Variants in RBM5 observed in about 807,000 individuals in gnomAD.
RBM5 encodes the protein RNA binding motif protein 5.
RBM5 carries 15 observed loss-of-function variants against 124.6 expected under a neutral mutation model. The ratio of observed to expected loss-of-function variants is 0.12; its 90% CI spans 0.08 to 0.19. The LOEUF is 0.19. RBM5 is among the 10% of genes least tolerant of loss of function. RBM5 has a pLI of 1.00. For synonymous variants in RBM5, 337 were observed against 361.2 expected (o/e 0.93, Z 0.76); for missense variants, 580 against 1,026.5 (o/e 0.57, Z 5.94).
chr3:50,114,741 G>A (rs2091211614), intron 20 of RBM5: 1 of 155,826 alleles, frequency 6.4e-6, no homozygotes, highest in African/African-American at 2.4e-5. Flanking sequence ...TAGCTACTTG[G>A]GATGCTAAGG....
At position 50,115,903 on chromosome 3, in the gene RBM5, T is replaced by C. The variant is rs1048313068; in HGVS notation, c.2020-3T>C. 15 of 1,611,046 alleles carry C rather than the reference T, an allele frequency of 9.3e-6. No individual in the cohort carries two copies. Among genetic ancestry groups the C allele is most frequent in the African/African-American group, 1.3e-5 (1 of 74,816 alleles). On this transcript the variant is annotated splice_polypyrimidine_tract_variant and splice_region_variant and intron_variant, in intron 21 of 24. Transcript: ENST00000347869. ...TACTGTGTCTTTCAAATCTTTTGTG[T>C]AGCAAAACATGGACATCTATCGACG...
chr3:50,090,255 C>T, intron 1 of RBM5, 127 bp from the exon 2 acceptor site: 1 of 616,412 alleles, frequency 1.6e-6, no homozygotes, highest in Non-Finnish European at 2.8e-6. Flanking sequence ...ACTTCCCCAC[C>T]TTAGATAATC....
chr3:50,094,990 G>T (rs2090783756), intron 4 of RBM5, among the ~76,000 whole-genome samples: 1 of 152,110 alleles, frequency 6.6e-6, no homozygotes, highest in Non-Finnish European at 1.5e-5. Context: ...TTGAGGTCAG[G>T]AATTTGAGAC....
intron 12 of RBM5, 119 bp from the exon 13 acceptor site, chr3:50,107,951 G>T: frequency 1.2e-6 from 1 of 852,792 alleles, no homozygotes; most frequent in Non-Finnish European, 1.9e-6. Flanking sequence ...CTCCCAAAGT[G>T]CTGGGATTAC....
At chr3:50,116,260 A>G (rs566726526) in intron 22 of RBM5, 498 of 400,786 alleles carry the variant, frequency 1.2e-3, no homozygotes, top group Non-Finnish European at 2.1e-3. Context: ...GGATTTTGTT[A>G]TGGAGAGAGT....
intron 20 of RBM5, 56 bp downstream of exon 20, chr3:50,114,307 T>G (rs548271312): frequency 4.6e-6 from 7 of 1,526,752 alleles, no homozygotes; most frequent in Non-Finnish European, 6.2e-6. Flanking sequence ...TGTCTCACTT[T>G]AAGGCTCAAC....
chr3:50,096,371 C>G (rs1394734769), intron 4 of RBM5, among the ~76,000 whole-genome samples: 1 of 151,694 alleles, frequency 6.6e-6, no homozygotes, highest in Non-Finnish European at 1.5e-5. Flanking sequence ...GTCTGTGGTC[C>G]CAGTTACTTG....
chr3:50,094,614 A>G (rs1413745581), intron 4 of RBM5, among the ~76,000 whole-genome samples: 1 of 152,138 alleles, frequency 6.6e-6, no homozygotes. Flanking sequence ...TTACTTCAGT[A>G]GCTGGCAGGT....
intron 14 of RBM5, among the ~76,000 whole-genome samples, chr3:50,109,123 G>C (rs2091095294): frequency 6.6e-6 from 1 of 152,086 alleles, no homozygotes; most frequent in Non-Finnish European, 1.5e-5. Context: ...GCCCAGGCTG[G>C]AGTGCGGTGG....
intron 10 of RBM5, among the ~76,000 whole-genome samples, chr3:50,106,121 T>C (rs2091024735): frequency 3.3e-5 from 1 of 30,664 alleles, no homozygotes; most frequent in Admixed American, 4.0e-4. Flanking sequence ...CCCAGCTATT[T>C]TTTTTTTTTT....
intron 4 of RBM5, among the ~76,000 whole-genome samples, chr3:50,096,701 C>A (rs1461097468): frequency 6.6e-6 from 1 of 151,620 alleles, no homozygotes; most frequent in East Asian, 2.0e-4. Flanking sequence ...GGCAATCCAC[C>A]AGCCTCAGCC....
chr3:50,089,103 C>T (rs1338773730), intron 1 of RBM5, 74 bp downstream of exon 1: 1 of 152,368 alleles, frequency 6.6e-6, no homozygotes, highest in Non-Finnish European at 1.5e-5. Flanking sequence ...CCCTTGTCAG[C>T]TGCCGGAGGC....
At chr3:50,091,859 T>C (rs1397744446) in intron 2 of RBM5, 184 bp from the exon 3 acceptor site, 1 of 665,218 alleles carries the variant, frequency 1.5e-6, no homozygotes, top group African/African-American at 1.8e-5. Flanking sequence ...ATCATTACAT[T>C]TAGGGATGTA....
intron 4 of RBM5, among the ~76,000 whole-genome samples, chr3:50,095,461 G>A (rs1413084096): frequency 4.6e-5 from 7 of 152,014 alleles, no homozygotes; most frequent in Non-Finnish European, 8.8e-5. Context: ...TAAAAAGGAC[G>A]GCTCATTCAG....
chr3:50,093,569 G>A (rs2090749050), intron 3 of RBM5, 151 bp from the exon 4 acceptor site: 2 of 762,040 alleles, frequency 2.6e-6, no homozygotes, highest in Non-Finnish European at 4.0e-6. Context: ...TGAGACCCCT[G>A]TCTCAAAAAA....
chr3:50,113,152 C>A (rs1018496647), intron 17 of RBM5: 1 of 336,004 alleles, frequency 3.0e-6, no homozygotes, highest in East Asian at 6.1e-5. Context: ...CTGCTCCCGG[C>A]TGGGAACTAA....
chr3:50,114,298 G>A (rs779274811), intron 20 of RBM5, 47 bp downstream of exon 20: 2 of 1,557,000 alleles, frequency 1.3e-6, no homozygotes, highest in South Asian at 2.4e-5. Flanking sequence ...TGTGGTTTGT[G>A]TCTCACTTTA....
At chr3:50,101,239 TA>T (rs2108998883) in intron 6 of RBM5, 1 of 152,354 alleles carries the variant, frequency 6.6e-6, no homozygotes, top group East Asian at 1.9e-4. Flanking sequence ...GAGGTAGTGT[TA>T]ACTGAAGTGT....
intron 12 of RBM5, 38 bp downstream of exon 12, chr3:50,107,607 GGTGGTGCCCAGATTCACAGACGTGAC>G (rs775526994): frequency 6.8e-7 from 1 of 1,476,848 alleles, no homozygotes. Context: ...GTAGTGTGGT[GGTGGTGCCCAGATTCACAGACGTGAC>G]CTCTCCTGTG....
Sources: allele counts gnomAD v4.1 joint callset (sites outside exome capture counted in the v4.1 genomes callset), GRCh38; gene constraint gnomAD v4.1.1; transcripts MANE v1.5; gene names NCBI Gene and HGNC (gene_info 2026-07-23, HGNC 2026-07-21).